The following CPNE8 variants were observed in gnomAD, a reference collection of about 807,000 sequenced individuals.
CPNE8 encodes copine 8, also known as copine-8.
In CPNE8, 45 loss-of-function variants were observed where a neutral mutation model predicts 81.5. The ratio of observed to expected loss-of-function variants is 0.55; its 90% CI spans 0.44 to 0.71. The LOEUF (loss-of-function observed/expected upper bound fraction) is 0.71. Ranked by LOEUF, CPNE8 falls within the 30% of genes least tolerant of loss-of-function variation. The pLI is 0.00. For synonymous variants in CPNE8, 252 were observed against 226.3 expected, an observed-to-expected ratio of 1.11 and a Z score of -1.02; for missense variants, 594 against 672.1, an observed-to-expected ratio of 0.88 and a Z score of 1.28.
At chr12:38,707,363 A>T (rs1592025573) in intron 13 of CPNE8, among the ~76,000 whole-genome samples, 1 of 152,240 alleles carries the variant, frequency 6.6e-6, no homozygotes, top group Non-Finnish European at 1.5e-5. Context: ...AAACTTACTA[A>T]AACTATCAAT....
intron 6 of CPNE8, among the ~76,000 whole-genome samples, chr12:38,798,958 T>C (rs896897095): frequency 6.6e-6 from 1 of 152,110 alleles, no homozygotes; most frequent in Non-Finnish European, 1.5e-5. Context: ...AAGAAGGCCA[T>C]TACATAATGG....
At chr12:38,870,598 C>A (rs1943977552) in intron 3 of CPNE8, among the ~76,000 whole-genome samples, 1 of 152,016 alleles carries the variant, frequency 6.6e-6, no homozygotes, top group Non-Finnish European at 1.5e-5. Context: ...ACAATGAGAA[C>A]ACATGGACAC....
chr12:38,847,989 A>T (rs923715131), intron 4 of CPNE8, among the ~76,000 whole-genome samples: 2 of 151,946 alleles, frequency 1.3e-5, no homozygotes, highest in African/African-American at 2.4e-5. Context: ...TGGAAAAAAA[A>T]CTCTATAATA....
At chr12:38,796,244 G>A (rs891532871) in intron 6 of CPNE8, among the ~76,000 whole-genome samples, 1 of 152,072 alleles carries the variant, frequency 6.6e-6, no homozygotes, top group African/African-American at 2.4e-5. Flanking sequence ...CCAAGATCGT[G>A]CTACTGCACT....
At chr12:38,760,708 T>C in intron 10 of CPNE8, 139 bp downstream of exon 10, 1 of 682,814 alleles carries the variant, frequency 1.5e-6, no homozygotes, top group Non-Finnish European at 2.6e-6. Flanking sequence ...TAAAATTTCA[T>C]GTAAATGCAT....
intron 5 of CPNE8, among the ~76,000 whole-genome samples, chr12:38,833,767 C>A (rs914985072): frequency 4.6e-5 from 7 of 151,954 alleles, no homozygotes; most frequent in African/African-American, 1.7e-4. Context: ...TATGAGCCAC[C>A]GCACCCGGCC....
chr12:38,850,580 A>G (rs1326270278), intron 3 of CPNE8, among the ~76,000 whole-genome samples: 1 of 152,214 alleles, frequency 6.6e-6, no homozygotes, highest in Non-Finnish European at 1.5e-5. Flanking sequence ...TATGTCTTCT[A>G]CCACACAGCC....
intron 6 of CPNE8, among the ~76,000 whole-genome samples, chr12:38,811,271 A>C (rs1167613567): frequency 6.6e-6 from 1 of 151,662 alleles, no homozygotes; most frequent in East Asian, 1.9e-4. Flanking sequence ...TGTTAGGTAA[A>C]TCTGTTTATA....
intron 13 of CPNE8, among the ~76,000 whole-genome samples, chr12:38,719,938 T>A (rs1399995656): frequency 6.6e-6 from 1 of 152,212 alleles, no homozygotes; most frequent in Non-Finnish European, 1.5e-5. Flanking sequence ...TTAGATTAAT[T>A]ATGTTGTGAA....
intron 3 of CPNE8, among the ~76,000 whole-genome samples, chr12:38,863,034 A>T (rs1943862426): frequency 6.6e-6 from 1 of 152,212 alleles, no homozygotes; most frequent in South Asian, 2.1e-4. Flanking sequence ...TTAATTAGAG[A>T]TAACCATCAA....
intron 10 of CPNE8, among the ~76,000 whole-genome samples, chr12:38,735,534 G>T (rs1288322786): frequency 6.6e-6 from 1 of 151,926 alleles, no homozygotes; most frequent in Non-Finnish European, 1.5e-5. Context: ...AACTTTCTTT[G>T]CTTTTGTTGT....
At chr12:38,783,829 GTAGATACAGTT>G (rs148241117) in intron 6 of CPNE8, among the ~76,000 whole-genome samples, 2 of 152,314 alleles carry the variant, frequency 1.3e-5, no homozygotes, top group Non-Finnish European at 2.9e-5. Flanking sequence ...GGCCCCTAAA[GTAGATACAGTT>G]TAGATCACAA....
intron 4 of CPNE8, among the ~76,000 whole-genome samples, chr12:38,843,556 T>C (rs1943507102): frequency 6.6e-6 from 1 of 152,058 alleles, no homozygotes; most frequent in African/African-American, 2.4e-5. Flanking sequence ...GTGCAGCATC[T>C]GGTTCATCAG....
chr12:38,677,745 T>C (rs1025086041), intron 16 of CPNE8, among the ~76,000 whole-genome samples, 191 bp from the exon 17 acceptor site: 2 of 151,760 alleles, frequency 1.3e-5, no homozygotes, highest in African/African-American at 2.4e-5. Flanking sequence ...GCAATGTTAG[T>C]GCATGCTGGC....
intron 19 of CPNE8, among the ~76,000 whole-genome samples, chr12:38,657,807 G>A (rs557605746): frequency 6.6e-6 from 1 of 152,258 alleles, no homozygotes; most frequent in East Asian, 1.9e-4. Flanking sequence ...GCAGCTGAGG[G>A]ACCTGTTAGA....
At chr12:38,739,482 T>C (rs1337732202) in intron 10 of CPNE8, among the ~76,000 whole-genome samples, 1 of 152,132 alleles carries the variant, frequency 6.6e-6, no homozygotes, top group African/African-American at 2.4e-5. Context: ...GCATAGTAGG[T>C]AACTTGTTCC....
chr12:38,882,682 CA>C (rs990220120), intron 1 of CPNE8, among the ~76,000 whole-genome samples: 1 of 152,012 alleles, frequency 6.6e-6, no homozygotes, highest in Non-Finnish European at 1.5e-5. Context: ...GCCTCGCTTG[CA>C]AAAAACCCAT....
intron 16 of CPNE8, 23 bp downstream of exon 16, chr12:38,685,467 C>T: frequency 6.2e-7 from 1 of 1,608,412 alleles, no homozygotes; most frequent in Non-Finnish European, 8.5e-7. Context: ...TCAGAATAAG[C>T]ACCTTGTCTA....
chr12:38,791,884 T>C (rs1182709796), intron 6 of CPNE8, among the ~76,000 whole-genome samples: 1 of 151,586 alleles, frequency 6.6e-6, no homozygotes, highest in Non-Finnish European at 1.5e-5. Flanking sequence ...ATGCAAAGCA[T>C]ATTTTTCAAT....
Sources: allele counts gnomAD v4.1 joint callset (sites outside exome capture counted in the v4.1 genomes callset), GRCh38; gene constraint gnomAD v4.1.1; transcripts MANE v1.5; gene names NCBI Gene and HGNC (gene_info 2026-07-23, HGNC 2026-07-21).